POFUT3: variants seen among roughly 807,000 people sequenced by gnomAD.
POFUT3 encodes the protein GDP-fucose protein O-fucosyltransferase 3.
At chr8:33,356,552 T>C in the POFUT3 span, among the ~76,000 whole-genome samples, 1 of 152,242 alleles carries the variant, frequency 6.6e-6, no homozygotes, top group East Asian at 1.9e-4. Flanking sequence ...TTGGAGTTCA[T>C]TGTAGATTCT....
the POFUT3 span, among the ~76,000 whole-genome samples, chr8:33,351,732 T>C: frequency 1.3e-5 from 2 of 151,790 alleles, no homozygotes; most frequent in Admixed American, 1.3e-4. Flanking sequence ...AAACAGTAAA[T>C]TGAAACAGAT....
the POFUT3 span, among the ~76,000 whole-genome samples, chr8:33,333,097 C>T: frequency 6.6e-5 from 10 of 152,318 alleles, no homozygotes; most frequent in Non-Finnish European, 1.3e-4. Flanking sequence ...AAAAGGCAGA[C>T]GCGGTACAAG....
At chr8:33,441,019 A>C in the POFUT3 span, among the ~76,000 whole-genome samples, 1,673 of 152,210 alleles carry the variant, frequency 0.011, 11 homozygotes, top group Middle Eastern at 0.027. Context: ...TAAAATTTGT[A>C]AAATAAAATA....
At chr8:33,361,832 A>G in the POFUT3 span, among the ~76,000 whole-genome samples, 2 of 152,280 alleles carry the variant, frequency 1.3e-5, no homozygotes, top group African/African-American at 2.4e-5. Context: ...GTGTTTCCCA[A>G]TTGAAAAACC....
the POFUT3 span, among the ~76,000 whole-genome samples, chr8:33,330,905 T>A: frequency 6.6e-6 from 1 of 152,198 alleles, no homozygotes; most frequent in South Asian, 2.1e-4. Context: ...CCCAACCTGG[T>A]TGTGAAGTCT....
At chr8:33,402,686 T>A in the POFUT3 span, among the ~76,000 whole-genome samples, 1 of 152,094 alleles carries the variant, frequency 6.6e-6, no homozygotes, top group Non-Finnish European at 1.5e-5. Flanking sequence ...GATGCAACTC[T>A]CCGATGGCAG....
At chr8:33,459,971 G>A in the POFUT3 span, among the ~76,000 whole-genome samples, 4 of 151,896 alleles carry the variant, frequency 2.6e-5, no homozygotes, top group Non-Finnish European at 5.9e-5. Context: ...CGAGGCGGGT[G>A]GATCACTTGA....
At chr8:33,308,936 T>C in the POFUT3 span, among the ~76,000 whole-genome samples, 3 of 151,076 alleles carry the variant, frequency 2.0e-5, no homozygotes, top group Admixed American at 1.3e-4. Flanking sequence ...AGTGTCTGAC[T>C]CTGGAGCCCA....
chr8:33,309,138 TAAAAAAAAAAAAAAAAAA>T, the POFUT3 span, among the ~76,000 whole-genome samples: 1 of 41,696 alleles, frequency 2.4e-5, no homozygotes, highest in African/African-American at 9.2e-5. Flanking sequence ...CTGGGGAGTG[TAAAAAAAAAAAAAAAAAA>T]AAAAAAAAAA....
the POFUT3 span, among the ~76,000 whole-genome samples, chr8:33,325,918 G>A: frequency 1.6e-4 from 24 of 152,172 alleles, no homozygotes; most frequent in East Asian, 9.7e-4. Flanking sequence ...TACACACCCC[G>A]CGCCCACCTG....
At chr8:33,399,457 C>CG in the POFUT3 span, among the ~76,000 whole-genome samples, 1 of 151,950 alleles carries the variant, frequency 6.6e-6, no homozygotes, top group African/African-American at 2.4e-5. Context: ...TGTAAGTGGA[C>CG]GGGGGATATA....
chr8:33,422,851 C>T, the POFUT3 span, among the ~76,000 whole-genome samples: 2 of 151,996 alleles, frequency 1.3e-5, no homozygotes, highest in African/African-American at 4.8e-5. Flanking sequence ...AGGTGTTGCT[C>T]TGTTGCCCAA....
At chr8:33,355,756 G>T in the POFUT3 span, among the ~76,000 whole-genome samples, 18 of 151,864 alleles carry the variant, frequency 1.2e-4, no homozygotes, top group Non-Finnish European at 1.9e-4. Flanking sequence ...GTGCCATGCT[G>T]GTGTGCTGCA....
the POFUT3 span, among the ~76,000 whole-genome samples, chr8:33,321,349 G>T: frequency 6.6e-6 from 1 of 152,112 alleles, no homozygotes; most frequent in African/African-American, 2.4e-5. Flanking sequence ...AGCAGCTGGG[G>T]CTCATAGATC....
the POFUT3 span, among the ~76,000 whole-genome samples, chr8:33,459,596 T>A: frequency 0.57 from 86,266 of 150,310 alleles, 24,923 homozygotes; most frequent in Non-Finnish European, 0.59. Flanking sequence ...TGAGCCGAGA[T>A]CATGCCACTG....
chr8:33,366,777 A>G, the POFUT3 span, among the ~76,000 whole-genome samples: 8 of 152,322 alleles, frequency 5.3e-5, no homozygotes, highest in African/African-American at 1.9e-4. Flanking sequence ...TGACAAAAAC[A>G]CAAGACAGAG....
chr8:33,380,063 C>CTATATATAT, the POFUT3 span, among the ~76,000 whole-genome samples: 14 of 47,828 alleles, frequency 2.9e-4, 1 homozygote, highest in African/African-American at 1.8e-3. Flanking sequence ...TATATATATA[C>CTATATATAT]ACTATATATA....
the POFUT3 span, among the ~76,000 whole-genome samples, chr8:33,390,799 G>A: frequency 6.6e-6 from 1 of 152,144 alleles, no homozygotes. Context: ...ACAATTATGA[G>A]TGACCCTAGC....
At chr8:33,354,081 G>A in the POFUT3 span, among the ~76,000 whole-genome samples, 27 of 152,056 alleles carry the variant, frequency 1.8e-4, no homozygotes, top group African/African-American at 5.1e-4. Context: ...ACCTCCCGCC[G>A]ACTTTTTGAA....
Sources: allele counts gnomAD v4.1 joint callset (sites outside exome capture counted in the v4.1 genomes callset), GRCh38; gene constraint gnomAD v4.1.1; transcripts MANE v1.5; gene names NCBI Gene and HGNC (gene_info 2026-07-23, HGNC 2026-07-21).